Variants in EEF1A2 observed in about 807,000 individuals in gnomAD.
EEF1A2 encodes the protein elongation factor 1-alpha 2.
A neutral mutation model predicts 39.3 loss-of-function variants in EEF1A2; 5 were observed. The ratio of observed to expected loss-of-function variants is 0.13; its 90% CI spans 0.07 to 0.27. The LOEUF (loss-of-function observed/expected upper bound fraction) is 0.27, where lower values mean the gene tolerates loss of function less well. Among genes scored for constraint, EEF1A2 ranks in the 10% least tolerant of loss-of-function variants. EEF1A2 has a pLI of 1.00. For missense variants in EEF1A2, 218 were observed against 681.4 expected, an observed-to-expected ratio of 0.32 and a Z score of 7.57; for synonymous variants, 287 against 293.7, an observed-to-expected ratio of 0.98 and a Z score of 0.23.
chr20:63,497,573 T>C lies in EEF1A2; in HGVS notation c.144+47A>G. 2 of 1,581,344 alleles carry C rather than the reference T, an allele frequency of 1.3e-6. No homozygotes were observed. Among genetic ancestry groups the C allele is most frequent in the Non-Finnish European group, 1.7e-6 (2 of 1,161,234 alleles). On this transcript the variant is annotated intron_variant, in intron 2 of 7. Coordinates refer to ENST00000217182, the MANE Select transcript of EEF1A2 (RefSeq NM_001958.5). This position sits in a 1 kb window ranked among gnomAD's most constrained non-coding sequence, Gnocchi z 7.3. ...TGCCAAGCCTGGCCACCACGGGAGT[T>C]GGGGGTTCCTTCTCAGGGGGCCAAG...
chr20:63,496,124 G>T (rs560869358), intron 2 of EEF1A2, 89 bp from the exon 3 acceptor site: 4 of 1,482,286 alleles, frequency 2.7e-6, no homozygotes, highest in South Asian at 1.2e-5. Flanking sequence ...CAGAGTGGCC[G>T]CGAGAGGCGG....
At position 63,498,867 on chromosome 20, in the gene EEF1A2, C is replaced by T. The variant is rs1400863242; in HGVS notation, c.-72+191G>A. ...GGGCGATCGCCGCCCAGGACCCGGC[C>T]CCGCCGCCCCGCGCCGCCCCCCACC... On this transcript the variant is annotated intron_variant, in intron 1 of 7. Transcript: ENST00000217182. The surrounding 1 kb of genome is among the most constrained non-coding windows in gnomAD (Gnocchi z 4.1). 1 of 150,284 alleles carries T rather than the reference C, an allele frequency of 6.7e-6. No homozygotes were observed. The highest frequency in any genetic ancestry group is 1.5e-5 in the Non-Finnish European group (1 of 67,368). The allele number at this position is 150,284 out of a possible 1,614,324, so 9.3% of individuals were successfully genotyped here.
In EEF1A2 at chr20:63,488,969, C is replaced by A; in HGVS notation, c.1213G>T (p.Val405Leu). ...KSGDAAIVEM[V>L]PGKPMCVESF... ...TCCACACACATGGGCTTTCCCGGCA[C>A]CATCTCCACGATGGCCGCGTCTCCA... The change falls in exon 7 of 8, where the codon GTG (valine) becomes TTG (leucine). Residue 405 changes from valine to leucine, a missense_variant. Around this residue, in one of 4 missense-constraint regions of EEF1A2, gnomAD observed 80 missense variants for 295.9 expected, o/e 0.27. Transcript: ENST00000217182. 1 of 1,612,636 alleles carries A rather than the reference C, an allele frequency of 6.2e-7. No individual in the cohort carries two copies. Among genetic ancestry groups the A allele is most frequent in the Non-Finnish European group, 8.5e-7 (1 of 1,179,920 alleles).
At chr20:63,490,144 T>G in intron 6 of EEF1A2, 1 of 226,668 alleles carries the variant, frequency 4.4e-6, no homozygotes, top group Non-Finnish European at 9.0e-6. Flanking sequence ...CTCGGCTCAC[T>G]GCAACCTCCG....
In EEF1A2 at chr20:63,488,441, C is replaced by CGGGG; in HGVS notation, c.1265-17_1265-16insCCCC. On this transcript the variant is annotated splice_polypyrimidine_tract_variant and intron_variant, in intron 7 of 7. Transcript: ENST00000217182. ...GCGAAGCGGCCTGGGGGGCGGGGGGCGGCGTGTGGGCGGGGCCGGAGGACT... is the reference window on the plus strand; with the variant it reads ...GCGAAGCGGCCTGGGGGGCGGGGGGCGGGGGGCGTGTGGGCGGGGCCGGAGGACT... The CGGGG allele has an allele frequency of 7.1e-7, 1 of 1,415,948 alleles. No individual in the cohort carries two copies. The highest frequency in any genetic ancestry group is 1.4e-5 in the South Asian group (1 of 71,092). The allele number at this position is 1,415,948 out of a possible 1,614,324, so 87.7% of individuals were successfully genotyped here.
Position 63,499,041 on chromosome 20 carries a change from G to A in EEF1A2, c.-72+17C>T. 1 of 148,352 alleles carries A rather than the reference G, an allele frequency of 6.7e-6. No individual in the cohort carries two copies. Among genetic ancestry groups the A allele is most frequent in the Non-Finnish European group, 1.5e-5 (1 of 66,652 alleles). 9.2% of individuals were successfully genotyped at this position (148,352 alleles called of 1,614,324 possible). A position where few individuals can be genotyped will look rare whatever the true frequency, so the allele number is the denominator to read the frequency against. ...GACGGGGGCGGGGGCGGAGGCCCGG[G>A]GGCCGAGCGTCCTTACCCGGAGCCG... is the stretch of plus-strand genomic sequence containing the variant. On this transcript the variant is annotated intron_variant, in intron 1 of 7. Coordinates refer to ENST00000217182, the MANE Select transcript of EEF1A2 (RefSeq NM_001958.5).
In EEF1A2 at chr20:63,488,528, C is replaced by G. The variant is rs537483528; in HGVS notation, c.1265-103G>C. 5.3e-5 allele frequency: 68 copies of G among 1,286,218 alleles called. No individual in the cohort carries two copies. In the African/African-American group the frequency reaches 9.5e-4, roughly 18 times the overall value. 79.7% of individuals were successfully genotyped at this position (1,286,218 alleles called of 1,614,324 possible). A position where few individuals can be genotyped will look rare whatever the true frequency, so the allele number is the denominator to read the frequency against. On this transcript the variant is annotated intron_variant, in intron 7 of 7. Transcript: ENST00000217182. ...GGCGCAACCGCGTCGGGAATGTCCTCGGAACACGCTTAGCGCAGAGCGCGC... is the reference window on the plus strand; with the variant it reads ...GGCGCAACCGCGTCGGGAATGTCCTGGGAACACGCTTAGCGCAGAGCGCGC...
chr20:63,491,020 G>A (rs574444974), intron 5 of EEF1A2, among the ~76,000 whole-genome samples: 41 of 152,360 alleles, frequency 2.7e-4, no homozygotes, highest in South Asian at 1.4e-3. Flanking sequence ...ACAGAGAAGC[G>A]GGAGGATGGG....
At chr20:63,488,634 C>A (rs1327903094) in intron 7 of EEF1A2, among the ~76,000 whole-genome samples, 7 of 152,334 alleles carry the variant, frequency 4.6e-5, no homozygotes, top group Admixed American at 2.6e-4. Flanking sequence ...GGGGCGGGGG[C>A]AGCCCTAACG....
intron 5 of EEF1A2, among the ~76,000 whole-genome samples, chr20:63,491,306 G>A (rs1220802627): frequency 3.9e-5 from 6 of 152,234 alleles, no homozygotes; most frequent in Admixed American, 1.3e-4. Flanking sequence ...CAGGCACAGC[G>A]GCACATGAGC....
In EEF1A2 at chr20:63,494,956, G is replaced by T. The variant is rs776312847; in HGVS notation, c.470C>A (p.Ser157Tyr). Residue 157 changes from serine to tyrosine, a missense_variant, in exon 4 of 8, where the codon TCC becomes TAC. By Grantham distance (144) the Ser-to-Tyr change is moderately radical. Transcript: ENST00000217182. ...CTTCTCGCTGTAGGCCGGCTCTGTG[G>T]AGTCCATTTTGTTCACGCCCACGAT... Reference protein sequence around the residue: ...QLIVGVNKMDSTEPAYSEKRY... With the variant: ...QLIVGVNKMDYTEPAYSEKRY... 1 of 1,612,822 alleles carries T rather than the reference G, an allele frequency of 6.2e-7. No homozygotes were observed. Among genetic ancestry groups the T allele is most frequent in the Non-Finnish European group, 8.5e-7 (1 of 1,179,992 alleles).
chr20:63,491,324 G>A (rs1032344255), intron 5 of EEF1A2, among the ~76,000 whole-genome samples: 10 of 152,208 alleles, frequency 6.6e-5, no homozygotes, highest in African/African-American at 2.2e-4. Context: ...AGCGTCCCTG[G>A]CATTTCTCAT....
chr20:63,494,589 G>A (rs1263368681), intron 4 of EEF1A2, among the ~76,000 whole-genome samples: 5 of 152,264 alleles, frequency 3.3e-5, no homozygotes, highest in South Asian at 2.1e-4. Flanking sequence ...GGCCAGCCGC[G>A]TGGGAGGCTG....
Position 63,488,439 on chromosome 20 carries a change from G to A in EEF1A2, c.1265-14C>T. 2.1e-6 allele frequency: 3 copies of A among 1,433,410 alleles called. No homozygotes were observed. Among genetic ancestry groups the A allele is most frequent in the African/African-American group, 1.5e-5 (1 of 66,618 alleles). 88.8% of individuals were successfully genotyped at this position (1,433,410 alleles called of 1,614,324 possible). ...CGGCGAAGCGGCCTGGGGGGCGGGGGGCGGCGTGTGGGCGGGGCCGGAGGA... is the reference window on the plus strand; with the variant it reads ...CGGCGAAGCGGCCTGGGGGGCGGGGAGCGGCGTGTGGGCGGGGCCGGAGGA... On this transcript the variant is annotated splice_polypyrimidine_tract_variant and intron_variant, in intron 7 of 7. Transcript: ENST00000217182.
Position 63,497,500 on chromosome 20 carries a change from C to T in EEF1A2, c.144+120G>A, listed in dbSNP as rs1353445024. On this transcript the variant is annotated intron_variant, in intron 2 of 7. Transcript: ENST00000217182. The surrounding 1 kb of genome is among the most constrained non-coding windows in gnomAD (Gnocchi z 7.3). Reference sequence around the variant, plus strand: ...TGAGTGCCCCACAGCGGGGGTCCCTCCTGCCCTGGAGGAGGTCACCTGAGC... The same window carrying T: ...TGAGTGCCCCACAGCGGGGGTCCCTTCTGCCCTGGAGGAGGTCACCTGAGC... 6.8e-7 allele frequency: 1 copy of T among 1,479,840 alleles called. No individual in the cohort carries two copies. The highest frequency in any genetic ancestry group is 2.4e-5 in the East Asian group (1 of 42,460). 91.7% of individuals were successfully genotyped at this position (1,479,840 alleles called of 1,614,324 possible).
intron 6 of EEF1A2, among the ~76,000 whole-genome samples, chr20:63,489,832 G>A (rs1042925052): frequency 2.6e-5 from 4 of 152,242 alleles, no homozygotes; most frequent in African/African-American, 9.6e-5. Context: ...GAGGGGCAAT[G>A]AAGACTGTAG....
intron 4 of EEF1A2, 138 bp from the exon 5 acceptor site, chr20:63,493,425 A>C: frequency 2.0e-6 from 2 of 998,374 alleles, no homozygotes; most frequent in Non-Finnish European, 1.4e-6. Flanking sequence ...GAATTTCCCC[A>C]CCCTGCTCCT....
chr20:63,489,254 G>T, intron 6 of EEF1A2, 102 bp from the exon 7 acceptor site: 1 of 1,196,048 alleles, frequency 8.4e-7, no homozygotes, highest in South Asian at 1.5e-5. Context: ...CCCCTGCACG[G>T]GCTCCTGGGC....
At chr20:63,489,200 C>G in intron 6 of EEF1A2, 48 bp from the exon 7 acceptor site, 1 of 1,581,638 alleles carries the variant, frequency 6.3e-7, no homozygotes, top group Non-Finnish European at 8.6e-7. Context: ...GCGGTGGGCA[C>G]CGGGAGGGCG....
Sources: allele counts gnomAD v4.1 joint callset (sites outside exome capture counted in the v4.1 genomes callset), GRCh38; gene constraint gnomAD v4.1.1; regional missense constraint gnomAD v4.1.1; non-coding constraint Gnocchi (gnomAD v3.1); transcripts MANE v1.5; gene names NCBI Gene and HGNC (gene_info 2026-07-23, HGNC 2026-07-21).